The following NFAT5 variants were observed in gnomAD, a reference collection of about 807,000 sequenced individuals.
NFAT5 encodes the protein nuclear factor of activated T-cells 5.
A neutral mutation model predicts 166.5 loss-of-function variants in NFAT5; 31 were observed. The observed-to-expected ratio is 0.19, with a 90% CI of 0.14 to 0.25. The LOEUF (loss-of-function observed/expected upper bound fraction) is 0.25. Among genes scored for constraint, NFAT5 ranks in the 10% least tolerant of loss-of-function variants. The pLI, the probability that NFAT5 is intolerant of heterozygous loss-of-function variation, is 1.00. For synonymous variants in NFAT5, 612 were observed against 639.7 expected (o/e 0.96, Z 0.65); for missense variants, 1,449 against 1,821.8 (o/e 0.80, Z 3.72).
intron 9 of NFAT5, 144 bp downstream of exon 9, chr16:69,670,432 C>T (rs2036578805): frequency 1.8e-6 from 1 of 561,164 alleles, no homozygotes; most frequent in Non-Finnish European, 3.1e-6. Flanking sequence ...TCTTGAGTTT[C>T]TTTAACTGAA....
intron 6 of NFAT5, among the ~76,000 whole-genome samples, chr16:69,658,082 CAAA>C (rs537709479): frequency 8.1e-6 from 1 of 123,492 alleles, no homozygotes. Context: ...AGACTTGTCT[CAAA>C]AAAAAAAAAA....
In NFAT5 at chr16:69,566,752, G is replaced by A. The variant is rs1050714956; in HGVS notation, c.73+378G>A. On this transcript the variant is annotated intron_variant, in intron 1 of 14. Coordinates refer to ENST00000349945, the MANE Select transcript of NFAT5 (RefSeq NM_138713.4). This position sits in a 1 kb window ranked among gnomAD's most constrained non-coding sequence, Gnocchi z 5.7. ...CTGGGCCCCGCGCTGGGGCCACCGCGATCGGGGCGCCGCGTCTTCTCTTAC... is the reference window on the plus strand; with the variant it reads ...CTGGGCCCCGCGCTGGGGCCACCGCAATCGGGGCGCCGCGTCTTCTCTTAC... Among the ~76,000 whole-genome samples, 2 of 152,260 alleles carry A rather than the reference G, an allele frequency of 1.3e-5. No homozygotes were observed. Among genetic ancestry groups the A allele is most frequent in the South Asian group, 2.1e-4 (1 of 4,830 alleles).
chr16:69,626,924 G>A (rs1004456431), intron 3 of NFAT5, among the ~76,000 whole-genome samples: 1 of 152,000 alleles, frequency 6.6e-6, no homozygotes, highest in Non-Finnish European at 1.5e-5. Flanking sequence ...TCTGAAAAAT[G>A]ACTGAAGCAC....
At chr16:69,594,250 T>A (rs1032257638) in intron 2 of NFAT5, among the ~76,000 whole-genome samples, 1 of 152,248 alleles carries the variant, frequency 6.6e-6, no homozygotes, top group Non-Finnish European at 1.5e-5. Flanking sequence ...TGATTTAGCC[T>A]GTTGCTCCTA....
chr16:69,603,134 A>G (rs1443625066), intron 2 of NFAT5, among the ~76,000 whole-genome samples: 1 of 152,144 alleles, frequency 6.6e-6, no homozygotes, highest in Non-Finnish European at 1.5e-5. Context: ...AAATAGACTA[A>G]AATGTTAGAA....
intron 11 of NFAT5, among the ~76,000 whole-genome samples, chr16:69,686,387 G>A (rs926857093): frequency 2.2e-4 from 34 of 151,922 alleles, no homozygotes; most frequent in Non-Finnish European, 1.5e-5. Context: ...ACCGGGCATG[G>A]TGGCATGCAC....
At chr16:69,609,468 G>A (rs1267566273) in intron 2 of NFAT5, among the ~76,000 whole-genome samples, 2 of 152,198 alleles carry the variant, frequency 1.3e-5, no homozygotes, top group African/African-American at 4.8e-5. Context: ...TTGAAAACCA[G>A]TCTTAAGTTA....
chr16:69,648,722 T>G (rs767189379), intron 4 of NFAT5: 124 of 975,956 alleles, frequency 1.3e-4, no homozygotes, highest in Non-Finnish European at 1.4e-4. Flanking sequence ...TTTGTTAAAA[T>G]TTAACTCTCT....
chr16:69,698,444 T>G lies in NFAT5; in HGVS notation c.*2093T>G, dbSNP rs1296741699. 6.6e-6 allele frequency: 1 copy of G among 152,264 alleles called. No homozygotes were observed. The highest frequency in any genetic ancestry group is 1.5e-5 in the Non-Finnish European group (1 of 67,974). The allele number at this position is 152,264 out of a possible 1,614,324, so 9.4% of individuals were successfully genotyped here. ...TTTGCCACACATTTTTGTGGTAAATTTGTGAGTTTGTCTGATGTTCTACCA... is the reference window on the plus strand; with the variant it reads ...TTTGCCACACATTTTTGTGGTAAATGTGTGAGTTTGTCTGATGTTCTACCA... On this transcript the variant is annotated 3_prime_UTR_variant, in exon 15 of 15. Transcript: ENST00000349945.
At chr16:69,629,798 CAG>C (rs1255002680) in intron 3 of NFAT5, among the ~76,000 whole-genome samples, 1 of 128,120 alleles carries the variant, frequency 7.8e-6, no homozygotes, top group Non-Finnish European at 1.6e-5. Flanking sequence ...TTTTAAGAGA[CAG>C]GGTCTGTCAC....
intron 2 of NFAT5, among the ~76,000 whole-genome samples, chr16:69,615,167 A>C (rs1028714627): frequency 6.6e-6 from 1 of 150,886 alleles, no homozygotes; most frequent in African/African-American, 2.4e-5. Flanking sequence ...TCAGCCTCCC[A>C]AGTAGCTGGG....
intron 7 of NFAT5, among the ~76,000 whole-genome samples, chr16:69,662,037 A>G (rs2036167580): frequency 1.3e-5 from 2 of 152,198 alleles, no homozygotes; most frequent in Non-Finnish European, 2.9e-5. Context: ...AGCTTGGGCA[A>G]CAAAGCAAGA....
At chr16:69,685,186 ATATATTT>A (rs1476353609) in intron 11 of NFAT5, 25 of 93,830 alleles carry the variant, frequency 2.7e-4, no homozygotes, top group Admixed American at 7.4e-4. Flanking sequence ...ATATATATAT[ATATATTT>A]TTTTTTTTAA....
intron 2 of NFAT5, among the ~76,000 whole-genome samples, chr16:69,569,840 G>A (rs1472941394): frequency 6.6e-6 from 1 of 152,156 alleles, no homozygotes; most frequent in Non-Finnish European, 1.5e-5. Flanking sequence ...ATATACATTA[G>A]TATGAAAATC....
intron 2 of NFAT5, among the ~76,000 whole-genome samples, chr16:69,623,423 G>A (rs1302907062): frequency 6.6e-6 from 1 of 151,774 alleles, no homozygotes; most frequent in Non-Finnish European, 1.5e-5. Flanking sequence ...CGTCTCCTGG[G>A]TTCAAGCAGT....
intron 6 of NFAT5, among the ~76,000 whole-genome samples, chr16:69,659,117 T>C (rs2036014011): frequency 6.6e-6 from 1 of 151,364 alleles, no homozygotes; most frequent in Non-Finnish European, 1.5e-5. Context: ...AGAGACTAAA[T>C]GTATTTTTTT....
chr16:69,630,238 G>C (rs1344802034), intron 3 of NFAT5, among the ~76,000 whole-genome samples: 1 of 152,096 alleles, frequency 6.6e-6, no homozygotes, highest in African/African-American at 2.4e-5. Context: ...GCTTCTCCAG[G>C]GATGGTCTCG....
intron 11 of NFAT5, among the ~76,000 whole-genome samples, chr16:69,686,460 G>A (rs2037309237): frequency 1.3e-5 from 2 of 152,104 alleles, no homozygotes; most frequent in Non-Finnish European, 2.9e-5. Context: ...GAGGTCGAAG[G>A]TGCATTGAGC....
At chr16:69,583,971 T>A (rs2031867990) in intron 2 of NFAT5, among the ~76,000 whole-genome samples, 2 of 152,090 alleles carry the variant, frequency 1.3e-5, no homozygotes, top group South Asian at 4.1e-4. Context: ...ACACCTGTAA[T>A]CCTAGCACTT....
Sources: allele counts gnomAD v4.1 joint callset (sites outside exome capture counted in the v4.1 genomes callset), GRCh38; gene constraint gnomAD v4.1.1; non-coding constraint Gnocchi (gnomAD v3.1); transcripts MANE v1.5; gene names NCBI Gene and HGNC (gene_info 2026-07-23, HGNC 2026-07-21).